The following NDUFA12 variants were observed in gnomAD, a reference collection of about 807,000 sequenced individuals.
NDUFA12 encodes the protein NADH dehydrogenase [ubiquinone] 1 alpha subcomplex subunit 12.
In NDUFA12, 17 loss-of-function variants were observed where a neutral mutation model predicts 20.3. The ratio of observed to expected loss-of-function variants is 0.84; its 90% CI spans 0.57 to 1.26. The LOEUF (loss-of-function observed/expected upper bound fraction) is 1.26, where lower values mean the gene tolerates loss of function less well. NDUFA12 is among the 50% of genes most tolerant of loss of function. The pLI is 0.00. For missense variants in NDUFA12, 191 were observed against 183.7 expected, an observed-to-expected ratio of 1.04 and a Z score of -0.23; for synonymous variants, 72 against 63.6, an observed-to-expected ratio of 1.13 and a Z score of -0.63.
intron 3 of NDUFA12, among the ~76,000 whole-genome samples, chr12:94,980,325 T>C (rs942772462): frequency 3.3e-5 from 5 of 152,164 alleles, no homozygotes; most frequent in Non-Finnish European, 7.3e-5. Flanking sequence ...TCTCAGTGAA[T>C]GGTCCCAGCA....
At chr12:94,988,349 A>C (rs538249521) in intron 3 of NDUFA12, among the ~76,000 whole-genome samples, 5 of 151,880 alleles carry the variant, frequency 3.3e-5, no homozygotes, top group Admixed American at 3.3e-4. Flanking sequence ...CGTACACACT[A>C]AAGTATTCAG....
chr12:94,971,365 T>C lies in NDUFA12; in HGVS notation c.*75A>G, dbSNP rs1873879526. On this transcript the variant is annotated 3_prime_UTR_variant, in exon 4 of 4. Coordinates refer to ENST00000327772, the MANE Select transcript of NDUFA12 (RefSeq NM_018838.5). The stretch of plus-strand genomic sequence containing the variant: ...ACACAATTTTAATTGTGAATTATAG[T>C]GAATGGTAAACAGTAAAAGAGTAAT... The C allele has an allele frequency of 1.4e-6, 2 of 1,473,666 alleles. No homozygotes were observed. Among genetic ancestry groups the C allele is most frequent in the Non-Finnish European group, 1.9e-6 (2 of 1,053,924 alleles). 91.3% of individuals were successfully genotyped at this position (1,473,666 alleles called of 1,614,324 possible).
At chr12:94,980,909 CAAT>C (rs1874214484) in intron 3 of NDUFA12, among the ~76,000 whole-genome samples, 1 of 151,556 alleles carries the variant, frequency 6.6e-6, no homozygotes, top group Non-Finnish European at 1.5e-5. Context: ...CAAGTGAAAA[CAAT>C]AATTTTATAC....
At chr12:94,976,222 T>G (rs985736903) in intron 3 of NDUFA12, among the ~76,000 whole-genome samples, 1 of 152,188 alleles carries the variant, frequency 6.6e-6, no homozygotes, top group East Asian at 1.9e-4. Context: ...TGATAAATAT[T>G]ATTATCCAAA....
At chr12:95,002,908 A>T in intron 1 of NDUFA12, 87 bp from the exon 2 acceptor site, 1 of 1,123,042 alleles carries the variant, frequency 8.9e-7, no homozygotes, top group Admixed American at 1.7e-5. Context: ...AACAACTTTC[A>T]GACACAAGGG....
chr12:94,998,207 T>C (rs946576847), intron 2 of NDUFA12, among the ~76,000 whole-genome samples: 5 of 152,130 alleles, frequency 3.3e-5, no homozygotes, highest in African/African-American at 1.2e-4. Context: ...ATATATCACA[T>C]AAATAGAATT....
chr12:94,979,819 G>A (rs1874179843), intron 3 of NDUFA12, among the ~76,000 whole-genome samples: 1 of 145,026 alleles, frequency 6.9e-6, no homozygotes, highest in Non-Finnish European at 1.5e-5. Context: ...TGGGTGACAA[G>A]AGCAAGACCC....
intron 3 of NDUFA12, among the ~76,000 whole-genome samples, chr12:94,986,071 G>GCATA (rs1874426805): frequency 7.0e-6 from 1 of 143,510 alleles, no homozygotes; most frequent in Non-Finnish European, 1.5e-5. Context: ...GGCGACAAGA[G>GCATA]CATAACTCTG....
Position 94,994,268 on chromosome 12 carries a change from A to G in NDUFA12, c.170-11T>C. 1 of 1,611,338 alleles carries G rather than the reference A, an allele frequency of 6.2e-7. No individual in the cohort carries two copies. The highest frequency in any genetic ancestry group is 8.5e-7 in the Non-Finnish European group (1 of 1,178,018). On this transcript the variant is annotated splice_polypyrimidine_tract_variant and intron_variant, in intron 2 of 3. Coordinates refer to ENST00000327772, the MANE Select transcript of NDUFA12 (RefSeq NM_018838.5). Reference sequence around the variant, plus strand: ...CCCATCGGTGACGGCCTGGGTGGGAAGATGAACATTTAAAAAGAAAAACTT... The same window carrying G: ...CCCATCGGTGACGGCCTGGGTGGGAGGATGAACATTTAAAAAGAAAAACTT...
At chr12:94,976,396 T>C (rs1013169336) in intron 3 of NDUFA12, among the ~76,000 whole-genome samples, 50 of 152,216 alleles carry the variant, frequency 3.3e-4, no homozygotes, top group African/African-American at 1.2e-3. Context: ...CTATGGGGGA[T>C]TGATTCCAGG....
intron 2 of NDUFA12, among the ~76,000 whole-genome samples, chr12:94,998,536 A>T (rs1874911737): frequency 6.6e-6 from 1 of 152,234 alleles, no homozygotes; most frequent in Non-Finnish European, 1.5e-5. Context: ...AGAGGAAGTC[A>T]AACTGTCGCT....
chr12:94,984,736 A>AAAAAAAAAAAAAC (rs36013656), intron 3 of NDUFA12, among the ~76,000 whole-genome samples: 1 of 74,162 alleles, frequency 1.3e-5, no homozygotes, highest in Non-Finnish European at 2.4e-5. Flanking sequence ...ACAACAAAAA[A>AAAAAAAAAAAAAC]CCCATATATA....
rs754215054 is a variant in NDUFA12 at position 95,002,801 on chromosome 12, C to T, written c.107G>A (p.Gly36Asp). 6 of 1,613,780 alleles carry T rather than the reference C, an allele frequency of 3.7e-6. No homozygotes were observed. The African/African-American group carries it at 6.7e-5, about 18-fold the overall frequency. The part of the protein sequence containing the change: ...VFFRTNDAKV[G>D]TLVGEDKYGN... ...ATATTTGTCTTCCCCCACTAATGTA[C>T]CAACCTTCGCATCATTTGTCCTGTG... is the stretch of plus-strand genomic sequence containing the variant. Residue 36 changes from glycine (G) to aspartate (D), a missense_variant, in exon 2 of 4, where the codon GGT becomes GAT. Gly to Asp is a moderately conservative substitution (Grantham distance 94). Transcript: ENST00000327772.
At chr12:94,989,422 A>G (rs984835573) in intron 3 of NDUFA12, among the ~76,000 whole-genome samples, 5 of 152,244 alleles carry the variant, frequency 3.3e-5, no homozygotes, top group Non-Finnish European at 7.3e-5. Context: ...AATTAGAGAT[A>G]TATCAACCCA....
chr12:94,997,493 C>CT (rs1169672739), intron 2 of NDUFA12: 1 of 152,144 alleles, frequency 6.6e-6, no homozygotes. Context: ...AGACTAATTG[C>CT]TTTTTCCTCT....
At chr12:94,980,867 C>T (rs979976782) in intron 3 of NDUFA12, among the ~76,000 whole-genome samples, 17 of 151,494 alleles carry the variant, frequency 1.1e-4, no homozygotes, top group Admixed American at 7.9e-4. Context: ...ATACTTCAAA[C>T]CACAAAAAGC....
intron 1 of NDUFA12, 66 bp from the exon 2 acceptor site, chr12:95,002,887 A>G (rs764601983): frequency 5.2e-5 from 73 of 1,396,036 alleles, no homozygotes; most frequent in Middle Eastern, 1.8e-4. Flanking sequence ...AAACGGAAAT[A>G]AAGTGAGAGT....
At chr12:94,982,046 G>A (rs7134496) in intron 3 of NDUFA12, among the ~76,000 whole-genome samples, 132,335 of 152,174 alleles carry the variant, frequency 0.87, 57,638 homozygotes, top group Admixed American at 0.9. Flanking sequence ...TATCCAAAAC[G>A]CTAATGTCTC....
At chr12:94,981,981 T>C (rs1410661349) in intron 3 of NDUFA12, among the ~76,000 whole-genome samples, 2 of 152,198 alleles carry the variant, frequency 1.3e-5, no homozygotes, top group Admixed American at 1.3e-4. Flanking sequence ...AGATTTCTAA[T>C]GTTTCCCATA....
Sources: gnomAD v4.1 joint callset for allele counts (sites outside exome capture counted in the v4.1 genomes callset) on GRCh38, gnomAD v4.1.1 for gene constraint, MANE v1.5 for transcripts, NCBI Gene and HGNC (gene_info 2026-07-23, HGNC 2026-07-21) for gene names.